Variants in ADAMTSL3 observed in about 807,000 individuals in gnomAD.
The protein encoded by ADAMTSL3 is ADAMTS like 3.
A neutral mutation model predicts 201.7 loss-of-function variants in ADAMTSL3; 128 were observed. The observed-to-expected ratio is 0.63, with a 90% confidence interval of 0.55 to 0.73. The LOEUF (loss-of-function observed/expected upper bound fraction) is 0.73, where lower values mean the gene tolerates loss of function less well. Ranked by LOEUF, ADAMTSL3 falls within the 30% of genes least tolerant of loss-of-function variation. ADAMTSL3 has a pLI of 0.00. For missense variants in ADAMTSL3, 1,990 were observed against 2,119.6 expected, an observed-to-expected ratio of 0.94 and a Z score of 1.20; for synonymous variants, 738 against 748.4, an observed-to-expected ratio of 0.99 and a Z score of 0.23.
chr15:83,848,762 G>T (rs983508204), intron 7 of ADAMTSL3, among the ~76,000 whole-genome samples: 1 of 152,214 alleles, frequency 6.6e-6, no homozygotes, highest in Non-Finnish European at 1.5e-5. Flanking sequence ...TCATTAGAAT[G>T]AATGAGGTAA....
At chr15:83,884,338 C>CTTTT (rs35308485) in intron 9 of ADAMTSL3, among the ~76,000 whole-genome samples, 4 of 114,486 alleles carry the variant, frequency 3.5e-5, no homozygotes, top group Non-Finnish European at 5.2e-5. Context: ...GCCCTATTTC[C>CTTTT]TTTTTTTTTT....
chr15:83,700,089 T>C (rs561842505), intron 2 of ADAMTSL3, among the ~76,000 whole-genome samples: 40 of 152,366 alleles, frequency 2.6e-4, no homozygotes, highest in African/African-American at 9.1e-4. Flanking sequence ...GCCAGGCATA[T>C]ATTAGGTGCT....
intron 17 of ADAMTSL3, among the ~76,000 whole-genome samples, chr15:83,931,584 G>A (rs759350210): frequency 3.2e-4 from 48 of 152,282 alleles, no homozygotes; most frequent in Admixed American, 6.5e-4. Flanking sequence ...CTGGAATTTA[G>A]ATATTATCAA....
intron 8 of ADAMTSL3, 145 bp downstream of exon 8, chr15:83,858,985 C>T (rs552956680): frequency 1.6e-6 from 1 of 642,732 alleles, no homozygotes; most frequent in South Asian, 2.0e-5. Context: ...AACTTGCGTC[C>T]ACTTACTTGG....
At chr15:83,722,517 A>C (rs189252255) in intron 3 of ADAMTSL3, among the ~76,000 whole-genome samples, 1 of 152,346 alleles carries the variant, frequency 6.6e-6, no homozygotes, top group African/African-American at 2.4e-5. Flanking sequence ...AAATTATGAT[A>C]CAGAAATTGT....
At chr15:83,878,001 A>G (rs2065208276) in intron 9 of ADAMTSL3, among the ~76,000 whole-genome samples, 1 of 152,212 alleles carries the variant, frequency 6.6e-6, no homozygotes, top group African/African-American at 2.4e-5. Context: ...ACATCTGCAA[A>G]TAATGAAGAT....
chr15:83,816,212 A>G (rs1236362842), intron 5 of ADAMTSL3, among the ~76,000 whole-genome samples: 2 of 152,216 alleles, frequency 1.3e-5, no homozygotes, highest in African/African-American at 2.4e-5. Flanking sequence ...CTTTGCTTCA[A>G]CATGAATCTT....
At chr15:83,853,955 T>TCTATCTAC (rs1262232203) in intron 7 of ADAMTSL3, among the ~76,000 whole-genome samples, 2 of 132,192 alleles carry the variant, frequency 1.5e-5, no homozygotes, top group Middle Eastern at 4.1e-3. Context: ...TATCTATCTA[T>TCTATCTAC]CTAATTCCTC....
intron 2 of ADAMTSL3, among the ~76,000 whole-genome samples, chr15:83,670,574 G>C (rs1319337541): frequency 3.9e-5 from 6 of 152,018 alleles, no homozygotes; most frequent in Non-Finnish European, 8.8e-5. Context: ...AATCCTATTT[G>C]TTTTTCTTTT....
chr15:83,996,741 ACT>A (rs1387520594), intron 23 of ADAMTSL3, among the ~76,000 whole-genome samples: 1 of 135,570 alleles, frequency 7.4e-6, no homozygotes, highest in East Asian at 2.4e-4. Flanking sequence ...AGATTGCACC[ACT>A]GCACTCCAGC....
At chr15:83,659,605 T>C (rs1218003814) in intron 2 of ADAMTSL3, among the ~76,000 whole-genome samples, 2 of 152,138 alleles carry the variant, frequency 1.3e-5, no homozygotes, top group Non-Finnish European at 2.9e-5. Context: ...GGATATGTGG[T>C]AGGTTGCCTA....
At chr15:83,951,561 A>G (rs946949826) in intron 19 of ADAMTSL3, among the ~76,000 whole-genome samples, 6 of 152,274 alleles carry the variant, frequency 3.9e-5, no homozygotes, top group African/African-American at 1.2e-4. Context: ...ATCCTCCACT[A>G]TCTTTCAGAA....
intron 6 of ADAMTSL3, among the ~76,000 whole-genome samples, chr15:83,823,898 CTTCTTCT>C (rs2063940278): frequency 2.2e-4 from 4 of 18,172 alleles, no homozygotes; most frequent in Non-Finnish European, 5.1e-4. Flanking sequence ...TCTTCCTCTT[CTTCTTCT>C]TCTTCTTCTT....
chr15:83,778,653 C>T (rs2063119119), intron 4 of ADAMTSL3, among the ~76,000 whole-genome samples: 1 of 152,184 alleles, frequency 6.6e-6, no homozygotes, highest in Non-Finnish European at 1.5e-5. Context: ...TTACCAGCCA[C>T]TACAAAAACA....
At chr15:83,956,372 C>G (rs2066861927) in intron 19 of ADAMTSL3, among the ~76,000 whole-genome samples, 1 of 152,196 alleles carries the variant, frequency 6.6e-6, no homozygotes, top group Non-Finnish European at 1.5e-5. Context: ...AAATTAAAAA[C>G]AAGTACTGTG....
rs1567226158 is a variant in ADAMTSL3, at chr15:83,903,950, A to AGG, written c.1700+4219_1700+4220insGG. 9.9e-5 allele frequency among the ~76,000 whole-genome samples: 4 copies of AGG among 40,314 alleles called. 1 individual carries two copies. Among genetic ancestry groups the AGG allele is most frequent in the African/African-American group, 3.5e-4 (2 of 5,650 alleles). 26.4% of individuals were successfully genotyped at this position (40,314 alleles called of 152,430 possible). A position where few individuals can be genotyped will look rare whatever the true frequency, so the allele number is the denominator to read the frequency against. ...AAAAAAAAAAAAAAAAAAAAGAAAA[A>AGG]AGAAAGAAAGAAAGAAAGAAAAGGA... On this transcript the variant is annotated intron_variant, in intron 15 of 29. Transcript: ENST00000286744.
intron 3 of ADAMTSL3, among the ~76,000 whole-genome samples, chr15:83,771,891 C>G (rs905815136): frequency 6.6e-6 from 1 of 150,652 alleles, no homozygotes; most frequent in Non-Finnish European, 1.5e-5. Context: ...GAATCTCGCT[C>G]TGTCACCCAG....
In ADAMTSL3 at chr15:83,874,043, A is replaced by G. The variant is rs1403874979; in HGVS notation, c.960+3084A>G. 1.4e-5 allele frequency among the ~76,000 whole-genome samples: 2 copies of G among 145,334 alleles called. 1 individual carries two copies. The highest frequency in any genetic ancestry group is 3.0e-5 in the Non-Finnish European group (2 of 66,698). On this transcript the variant is annotated intron_variant, in intron 9 of 29. Coordinates refer to ENST00000286744, the MANE Select transcript of ADAMTSL3 (RefSeq NM_207517.3). ...TAACCCATAGCACATCTTCTATAAC[A>G]TGGAGAGGATGCTCCTTTCTCCAGT...
intron 9 of ADAMTSL3, among the ~76,000 whole-genome samples, chr15:83,875,708 G>A (rs543679770): frequency 9.2e-5 from 14 of 152,242 alleles, no homozygotes; most frequent in African/African-American, 2.4e-4. Context: ...ACTTGAACCC[G>A]GGAAGTGGAG....
Sources: allele counts gnomAD v4.1 joint callset (sites outside exome capture counted in the v4.1 genomes callset), GRCh38; gene constraint gnomAD v4.1.1; transcripts MANE v1.5; gene names NCBI Gene and HGNC (gene_info 2026-07-23, HGNC 2026-07-21).